The following KLHL13 variants were observed in gnomAD, a reference collection of about 807,000 sequenced individuals.
KLHL13 encodes kelch like family member 13.
Under a neutral mutation model 37.1 loss-of-function variants are expected in KLHL13, and 10 were observed. The observed-to-expected ratio is 0.27, with a 90% CI of 0.17 to 0.46. KLHL13 has a LOEUF of 0.46. Ranked by LOEUF, KLHL13 falls within the 20% of genes least tolerant of loss-of-function variation. KLHL13 has a pLI of 1.00. For missense variants in KLHL13, 360 were observed against 509.3 expected (o/e 0.71, Z 2.82); for synonymous variants, 163 against 181.2 (o/e 0.90, Z 0.81).
At chrX:118,037,750 T>C (rs2054466152) in intron 1 of KLHL13, among the ~76,000 whole-genome samples, 1 of 110,981 alleles carries the variant, frequency 9.0e-6, no homozygotes, top group African/African-American at 3.3e-5. Flanking sequence ...ATAATAGTAA[T>C]TAAAAAAAAG....
At chrX:118,079,709 A>T (rs1303716445) in intron 1 of KLHL13, among the ~76,000 whole-genome samples, 3 of 111,481 alleles carry the variant, frequency 2.7e-5, no homozygotes, top group African/African-American at 9.8e-5. Context: ...TAAAATGGCC[A>T]TACTACCCAA....
intron 1 of KLHL13, among the ~76,000 whole-genome samples, chrX:117,962,041 AAATAAT>A (rs778789872): frequency 9.8e-6 from 1 of 102,316 alleles, no homozygotes; most frequent in Non-Finnish European, 2.0e-5. Flanking sequence ...TCATCTCTAC[AAATAAT>A]AATAATAATA....
At chrX:118,046,521 A>T (rs765247160) in intron 1 of KLHL13, among the ~76,000 whole-genome samples, 4 of 111,910 alleles carry the variant, frequency 3.6e-5, no homozygotes, top group Non-Finnish European at 7.5e-5. Context: ...TTAGTTGTAC[A>T]TTTTAAAATA....
At chrX:118,003,357 T>A (rs968523510) in intron 1 of KLHL13, among the ~76,000 whole-genome samples, 6 of 109,820 alleles carry the variant, frequency 5.5e-5, no homozygotes, top group African/African-American at 1.4e-4. Flanking sequence ...TCATTTTTTT[T>A]AAACTCTTTC....
At chrX:117,899,053 T>A (rs751258852) in exon 7 of KLHL13, 1 of 1,211,261 alleles carries the variant, frequency 8.3e-7, no homozygotes. Context: ...TGGATCATAT[T>A]TCTGCACTAT....
At chrX:118,023,943 A>T (rs1405407102) in intron 1 of KLHL13, among the ~76,000 whole-genome samples, 1 of 112,218 alleles carries the variant, frequency 8.9e-6, no homozygotes, top group Non-Finnish European at 1.9e-5. Flanking sequence ...TCAGGTTTTG[A>T]CATTTGAACT....
chrX:118,006,224 T>C (rs770330003), intron 1 of KLHL13, among the ~76,000 whole-genome samples: 1 of 112,103 alleles, frequency 8.9e-6, no homozygotes, highest in East Asian at 2.8e-4. Context: ...GTAAAGGCTA[T>C]ACTAATTTAA....
Position 118,033,080 on chromosome X carries a change from G to A in KLHL13, c.-56+83428C>T, listed in dbSNP as rs746713856. Among the ~76,000 whole-genome samples, 178 of 111,096 alleles carry A rather than the reference G, an allele frequency of 1.6e-3. 2 individuals carry two copies. The highest frequency in any genetic ancestry group is 5.6e-3 in the African/African-American group (170 of 30,541). On this transcript the variant is annotated intron_variant, in intron 1 of 6. Coordinates refer to the KLHL13 transcript ENST00000371882. ...GAAATGAGCAAAGCCTCCAAGAAATGTAGGACTATGTGAAAAGACCAAATC... is the reference window on the plus strand; with the variant it reads ...GAAATGAGCAAAGCCTCCAAGAAATATAGGACTATGTGAAAAGACCAAATC...
chrX:118,044,433 G>GAAAAAAAAAAAAA, intron 1 of KLHL13, among the ~76,000 whole-genome samples: 1 of 82,881 alleles, frequency 1.2e-5, no homozygotes, highest in Non-Finnish European at 2.3e-5. Flanking sequence ...TTACTCTGAG[G>GAAAAAAAAAAAAA]AAAAAAAAAA....
At chrX:117,954,089 G>T (rs939968920) in intron 1 of KLHL13, among the ~76,000 whole-genome samples, 1 of 111,408 alleles carries the variant, frequency 9.0e-6, no homozygotes, top group African/African-American at 3.3e-5. Flanking sequence ...CTAGACAAAT[G>T]ATATTCCATT....
intron 1 of KLHL13, among the ~76,000 whole-genome samples, chrX:118,098,958 A>C (rs902497160): frequency 2.7e-4 from 3 of 11,046 alleles, no homozygotes; most frequent in East Asian, 4.0e-3. Context: ...GGAAGGGGGG[A>C]GGGGGGAGAG....
At chrX:117,960,152 G>A (rs1017431103) in intron 1 of KLHL13, among the ~76,000 whole-genome samples, 1 of 110,914 alleles carries the variant, frequency 9.0e-6, no homozygotes, top group Non-Finnish European at 1.9e-5. Context: ...CACAGGTTGG[G>A]GGCAGGGGGA....
intron 1 of KLHL13, among the ~76,000 whole-genome samples, chrX:118,001,868 C>CAAA (rs35056707): frequency 4.8e-5 from 2 of 41,734 alleles, no homozygotes; most frequent in African/African-American, 1.5e-4. Context: ...AAGACCCCGT[C>CAAA]AAAAAAAAAA....
intron 1 of KLHL13, among the ~76,000 whole-genome samples, chrX:118,073,632 A>G (rs2054896970): frequency 8.9e-6 from 1 of 112,466 alleles, no homozygotes; most frequent in Admixed American, 9.4e-5. Flanking sequence ...AATGTAGAAT[A>G]TAACAATAGA....
intron 1 of KLHL13, among the ~76,000 whole-genome samples, chrX:118,049,721 T>C (rs149891379): frequency 0.02 from 2,216 of 111,653 alleles, 58 homozygotes; most frequent in African/African-American, 0.068. Context: ...TTTAAGTACA[T>C]GATCAGCCTG....
chrX:118,029,915 C>T (rs1270309001), intron 1 of KLHL13, among the ~76,000 whole-genome samples: 3 of 110,282 alleles, frequency 2.7e-5, no homozygotes, highest in Non-Finnish European at 5.7e-5. Flanking sequence ...TTGCAGTGAG[C>T]CAAGATCACA....
chrX:117,931,715 A>C (rs1169757392), intron 2 of KLHL13, among the ~76,000 whole-genome samples: 2 of 112,283 alleles, frequency 1.8e-5, no homozygotes, highest in Admixed American at 9.4e-5. Flanking sequence ...TAGTAGAAAT[A>C]AAAATACAAA....
exon 1 of KLHL13, chrX:117,973,251 C>T: frequency 1.0e-6 from 1 of 966,845 alleles, no homozygotes. Flanking sequence ...TGATTTCTGA[C>T]CAATAGTAGC....
intron 1 of KLHL13, among the ~76,000 whole-genome samples, chrX:118,097,107 G>A (rs2055217817): frequency 9.0e-6 from 1 of 110,992 alleles, no homozygotes; most frequent in Admixed American, 9.6e-5. Flanking sequence ...GGAAATAAAG[G>A]GCATTCAATT....
Sources: gnomAD v4.1 joint callset for allele counts (sites outside exome capture counted in the v4.1 genomes callset) on GRCh38, gnomAD v4.1.1 for gene constraint, MANE v1.5 for transcripts, NCBI Gene and HGNC (gene_info 2026-07-23, HGNC 2026-07-21) for gene names.